FOCAD: variants seen among roughly 807,000 people sequenced by gnomAD.
FOCAD encodes the protein KIAA1797.
FOCAD carries 198 observed loss-of-function variants against 225.6 expected under a neutral mutation model. That is an observed-to-expected ratio of 0.88 (90% CI 0.78 to 0.99). FOCAD has a LOEUF of 0.99. Ranked by LOEUF, FOCAD falls within the 50% of genes least tolerant of loss-of-function variation. FOCAD has a pLI of 0.00. For missense variants in FOCAD, 2,713 were observed against 2,123.6 expected (o/e 1.28, Z -5.46); for synonymous variants, 897 against 755.0 (o/e 1.19, Z -3.08).
At chr9:20,984,339 A>G (rs1840964747) in intron 39 of FOCAD, among the ~76,000 whole-genome samples, 1 of 152,206 alleles carries the variant, frequency 6.6e-6, no homozygotes, top group South Asian at 2.1e-4. Context: ...CAGTTCTCAA[A>G]TGTTTTAGTC....
intron 35 of FOCAD, among the ~76,000 whole-genome samples, chr9:20,954,112 T>C (rs1456921734): frequency 1.3e-5 from 2 of 152,224 alleles, no homozygotes; most frequent in East Asian, 3.8e-4. Flanking sequence ...TCTAGGGTCC[T>C]GAATTAGCAT....
chr9:20,984,267 T>TA (rs941240510), intron 39 of FOCAD, among the ~76,000 whole-genome samples: 1 of 152,210 alleles, frequency 6.6e-6, no homozygotes, highest in African/African-American at 2.4e-5. Context: ...TCCCCATCTG[T>TA]AAAGGTGGGA....
intron 11 of FOCAD, among the ~76,000 whole-genome samples, chr9:20,813,275 A>T (rs79097141): frequency 1.3e-5 from 2 of 152,270 alleles, no homozygotes; most frequent in East Asian, 3.9e-4. Flanking sequence ...ATGGACATTT[A>T]GGTTGTTTCC....
rs1182042615 is a variant in FOCAD, at chr9:20,717,874, T to C, written c.132+6T>C. ...TTCACCAATCTACAAATCAGGTCTG[T>C]GTTTAACTTTATGCTTTAATTCTCT... On this transcript the variant is annotated splice_donor_region_variant and intron_variant, in intron 3 of 43. Coordinates refer to ENST00000338382, the MANE Select transcript of FOCAD (RefSeq NM_001375567.1). 2 of 1,609,094 alleles carry C rather than the reference T, an allele frequency of 1.2e-6. No individual in the cohort carries two copies. Among genetic ancestry groups the C allele is most frequent in the Non-Finnish European group, 1.7e-6 (2 of 1,176,670 alleles).
At chr9:20,685,547 T>C (rs1335945940) in intron 1 of FOCAD, among the ~76,000 whole-genome samples, 1 of 152,230 alleles carries the variant, frequency 6.6e-6, no homozygotes, top group African/African-American at 2.4e-5. Context: ...GAAAGCACTG[T>C]GACTCATCTG....
intron 15 of FOCAD, among the ~76,000 whole-genome samples, chr9:20,856,075 G>A (rs1828151773): frequency 6.6e-6 from 1 of 151,644 alleles, no homozygotes; most frequent in Non-Finnish European, 1.5e-5. Flanking sequence ...TCTCTTTGAT[G>A]TACTGATTTC....
chr9:20,858,885 A>G (rs1160166646), intron 15 of FOCAD, among the ~76,000 whole-genome samples: 1 of 152,042 alleles, frequency 6.6e-6, no homozygotes, highest in Non-Finnish European at 1.5e-5. Context: ...ATATGTTTGT[A>G]TAGTTTCCAA....
chr9:20,993,984 GAAGTT>G (rs1841874587), intron 43 of FOCAD, among the ~76,000 whole-genome samples: 1 of 152,052 alleles, frequency 6.6e-6, no homozygotes, highest in Non-Finnish European at 1.5e-5. Context: ...TTTTCCATAA[GAAGTT>G]TTTTCCTGCT....
At chr9:20,925,846 G>T (rs1365853582) in intron 25 of FOCAD, among the ~76,000 whole-genome samples, 3 of 152,164 alleles carry the variant, frequency 2.0e-5, no homozygotes, top group Non-Finnish European at 4.4e-5. Flanking sequence ...CAACTAAATG[G>T]TAATAGTCAC....
intron 31 of FOCAD, 29 bp from the exon 32 acceptor site, chr9:20,948,822 C>T (rs376516766): frequency 2.2e-4 from 353 of 1,610,930 alleles, no homozygotes; most frequent in Non-Finnish European, 2.9e-4. Context: ...CTGATTCCCT[C>T]TTTTCATATT....
chr9:20,908,373 T>C (rs1250033821), intron 22 of FOCAD, among the ~76,000 whole-genome samples: 6 of 151,964 alleles, frequency 3.9e-5, no homozygotes, highest in Non-Finnish European at 7.4e-5. Flanking sequence ...TAATCTCAAA[T>C]TAAAACCTTT....
chr9:20,813,864 C>T (rs894215829), intron 11 of FOCAD, among the ~76,000 whole-genome samples: 21 of 152,214 alleles, frequency 1.4e-4, no homozygotes, highest in Middle Eastern at 3.4e-3. Context: ...TTTCCATTTT[C>T]CCCTTTGGTT....
At chr9:20,663,641 A>G (rs1422033806) in intron 2 of FOCAD, among the ~76,000 whole-genome samples, 1 of 152,180 alleles carries the variant, frequency 6.6e-6, no homozygotes, top group Non-Finnish European at 1.5e-5. Flanking sequence ...AGAATTCAAT[A>G]TAGTTGCCAC....
intron 1 of FOCAD, among the ~76,000 whole-genome samples, chr9:20,707,424 G>A (rs545503744): frequency 2.0e-5 from 3 of 152,080 alleles, no homozygotes; most frequent in African/African-American, 7.2e-5. Flanking sequence ...ACAATTTGGG[G>A]TCTTGGGGTG....
intron 31 of FOCAD, 133 bp from the exon 32 acceptor site, chr9:20,948,718 T>C: frequency 1.1e-6 from 1 of 921,722 alleles, no homozygotes; most frequent in East Asian, 2.6e-5. Flanking sequence ...TTTGGTTCAG[T>C]TATACAGGTT....
At chr9:20,780,085 G>C (rs924350118) in intron 9 of FOCAD, among the ~76,000 whole-genome samples, 2 of 152,078 alleles carry the variant, frequency 1.3e-5, no homozygotes, top group African/African-American at 4.8e-5. Context: ...GCTTTATTGA[G>C]GTGTAATTTA....
intron 35 of FOCAD, among the ~76,000 whole-genome samples, chr9:20,968,445 T>TC (rs1180884404): frequency 7.6e-6 from 1 of 132,254 alleles, no homozygotes; most frequent in Non-Finnish European, 1.6e-5. Flanking sequence ...TTTTTTTTTT[T>TC]TTTTTTTTTT....
At position 20,900,809 on chromosome 9, in the gene FOCAD, G is replaced by A. The variant is rs1022699851; in HGVS notation, c.2626-6341G>A. Among the ~76,000 whole-genome samples, 4 of 151,864 alleles carry A rather than the reference G, an allele frequency of 2.6e-5. No individual in the cohort carries two copies. The East Asian group carries it at 5.8e-4, about 22-fold the overall frequency. On this transcript the variant is annotated intron_variant, in intron 21 of 43. Transcript: ENST00000338382. ...CTTCTATTAAATAACAGAATAAATG[G>A]TTGCTTGAGATGTGACTGAATTGTC...
chr9:20,670,278 T>G (rs1458455922), intron 2 of FOCAD, among the ~76,000 whole-genome samples: 2 of 152,240 alleles, frequency 1.3e-5, no homozygotes, highest in Non-Finnish European at 2.9e-5. Flanking sequence ...AAATCAATCC[T>G]AATGATCAAT....
Sources: gnomAD v4.1 joint callset for allele counts (sites outside exome capture counted in the v4.1 genomes callset) on GRCh38, gnomAD v4.1.1 for gene constraint, MANE v1.5 for transcripts, NCBI Gene and HGNC (gene_info 2026-07-23, HGNC 2026-07-21) for gene names.